CCDC178: variants seen among roughly 807,000 people sequenced by gnomAD.
CCDC178 encodes coiled-coil domain containing 178, also known as coiled-coil domain-containing protein 178.
A neutral mutation model predicts 117.4 loss-of-function variants in CCDC178; 126 were observed. The observed-to-expected ratio is 1.07, with a 90% CI of 0.93 to 1.24. The LOEUF is 1.24. Among genes scored for constraint, CCDC178 ranks in the 50% most tolerant of loss-of-function variants. The pLI is 0.00. For missense variants in CCDC178, 1,030 were observed against 986.9 expected (o/e 1.04, Z -0.59); for synonymous variants, 283 against 313.4 (o/e 0.90, Z 1.02).
intron 20 of CCDC178, among the ~76,000 whole-genome samples, chr18:33,125,162 T>A (rs2057988933): frequency 6.6e-6 from 1 of 152,158 alleles, no homozygotes; most frequent in Non-Finnish European, 1.5e-5. Flanking sequence ...CTTTGTAATC[T>A]TCAGACACAC....
At chr18:33,017,327 C>T (rs767921583) in intron 21 of CCDC178, among the ~76,000 whole-genome samples, 88 of 151,782 alleles carry the variant, frequency 5.8e-4, no homozygotes, top group Non-Finnish European at 1.1e-3. Flanking sequence ...TCCCCAAATA[C>T]CATCATTCCA....
intron 20 of CCDC178, among the ~76,000 whole-genome samples, chr18:33,105,125 TTATTGAAAAG>T (rs1341541772): frequency 2.0e-5 from 3 of 151,816 alleles, no homozygotes; most frequent in African/African-American, 7.2e-5. Context: ...GAGGCATTTG[TTATTGAAAAG>T]TAATTCTTAA....
intron 9 of CCDC178, among the ~76,000 whole-genome samples, chr18:33,336,898 A>G (rs1017813060): frequency 6.6e-6 from 1 of 151,922 alleles, no homozygotes; most frequent in African/African-American, 2.4e-5. Context: ...TTGGTTCCAC[A>G]TGAATTTTAG....
intron 9 of CCDC178, among the ~76,000 whole-genome samples, chr18:33,345,711 C>T (rs1355591513): frequency 6.6e-6 from 1 of 152,176 alleles, no homozygotes; most frequent in Non-Finnish European, 1.5e-5. Context: ...TACTGGATTT[C>T]TAACAGACCC....
chr18:32,972,796 T>G (rs1193057621), intron 22 of CCDC178, among the ~76,000 whole-genome samples: 3 of 152,126 alleles, frequency 2.0e-5, no homozygotes, highest in Non-Finnish European at 4.4e-5. Context: ...CTGAAGGTTG[T>G]AGACTTGATT....
chr18:32,952,025 C>A (rs1300745835), intron 22 of CCDC178, among the ~76,000 whole-genome samples: 1 of 149,822 alleles, frequency 6.7e-6, no homozygotes, highest in Non-Finnish European at 1.5e-5. Context: ...GCTCCCACAG[C>A]CTTGGGCAGC....
intron 6 of CCDC178, among the ~76,000 whole-genome samples, chr18:33,369,520 C>T (rs571934084): frequency 6.6e-6 from 1 of 152,016 alleles, no homozygotes; most frequent in East Asian, 1.9e-4. Flanking sequence ...TATTTTTTGT[C>T]ATTCTTAAAT....
intron 5 of CCDC178, among the ~76,000 whole-genome samples, chr18:33,388,801 T>C (rs1436639876): frequency 2.0e-5 from 3 of 152,016 alleles, no homozygotes; most frequent in Non-Finnish European, 2.9e-5. Flanking sequence ...CAGAATATTA[T>C]ACAGCCATAA....
intron 20 of CCDC178, among the ~76,000 whole-genome samples, chr18:33,175,738 G>C (rs1215927146): frequency 2.0e-5 from 3 of 152,124 alleles, no homozygotes; most frequent in Non-Finnish European, 4.4e-5. Flanking sequence ...CAGGACTTTA[G>C]AAAGAAGCTT....
At position 33,098,446 on chromosome 18, in the gene CCDC178, G is replaced by A. The variant is rs552536077; in HGVS notation, c.2239-5536C>T. 3.4e-4 allele frequency among the ~76,000 whole-genome samples: 52 copies of A among 152,138 alleles called. No individual in the cohort carries two copies. The South Asian group carries it at 0.011, about 31-fold the overall frequency. On this transcript the variant is annotated intron_variant, in intron 20 of 22. Coordinates refer to ENST00000383096, the MANE Select transcript of CCDC178 (RefSeq NM_001105528.4). ...TCTAACTCTACTCTCCTGTCCTGAT[G>A]TAACTGTCTGTTGCTGTCTTAGCTA...
chr18:33,147,141 CTTTTTTTTTT>C (rs963180337), intron 20 of CCDC178, among the ~76,000 whole-genome samples: 1 of 117,392 alleles, frequency 8.5e-6, no homozygotes, highest in East Asian at 2.6e-4. Flanking sequence ...TAGCTGATTT[CTTTTTTTTTT>C]TTTTTTTTTG....
intron 9 of CCDC178, among the ~76,000 whole-genome samples, chr18:33,333,652 A>G (rs796928803): frequency 1.2e-4 from 18 of 151,662 alleles, no homozygotes; most frequent in African/African-American, 4.3e-4. Flanking sequence ...AGTTGGGATT[A>G]CAGGCATGTG....
intron 5 of CCDC178, among the ~76,000 whole-genome samples, chr18:33,373,780 T>C (rs1159487240): frequency 1.3e-5 from 2 of 152,188 alleles, no homozygotes; most frequent in Non-Finnish European, 2.9e-5. Flanking sequence ...AAATCCTCTA[T>C]CATTTTTTAA....
At chr18:33,184,159 C>T (rs1598973115) in intron 20 of CCDC178, among the ~76,000 whole-genome samples, 1 of 152,048 alleles carries the variant, frequency 6.6e-6, no homozygotes, top group East Asian at 1.9e-4. Flanking sequence ...TTTGTTTTAG[C>T]CTGTCACAAA....
chr18:33,349,274 A>G (rs1375407996), intron 7 of CCDC178, among the ~76,000 whole-genome samples: 1 of 151,928 alleles, frequency 6.6e-6, no homozygotes, highest in African/African-American at 2.4e-5. Flanking sequence ...TGTAAGACAA[A>G]GGGTATTCTG....
At chr18:33,391,393 G>T (rs1295459888) in intron 4 of CCDC178, among the ~76,000 whole-genome samples, 1 of 152,034 alleles carries the variant, frequency 6.6e-6, no homozygotes, top group Admixed American at 6.6e-5. Context: ...TCATTCATCT[G>T]TGGCATATGA....
chr18:33,334,085 G>A (rs1435450985), intron 9 of CCDC178, among the ~76,000 whole-genome samples: 1 of 151,636 alleles, frequency 6.6e-6, no homozygotes, highest in African/African-American at 2.4e-5. Flanking sequence ...AAAGGCAAAA[G>A]TGATTATTAT....
At chr18:33,173,112 T>C (rs1598960618) in intron 20 of CCDC178, among the ~76,000 whole-genome samples, 1 of 152,298 alleles carries the variant, frequency 6.6e-6, no homozygotes, top group South Asian at 2.1e-4. Context: ...TGCAGTGGCA[T>C]GACCTTGGCT....
chr18:32,949,733 G>C (rs180672199), intron 22 of CCDC178, among the ~76,000 whole-genome samples: 1 of 152,054 alleles, frequency 6.6e-6, no homozygotes, highest in Non-Finnish European at 1.5e-5. Flanking sequence ...CTAATTGGTT[G>C]TACTTTTCTG....
Sources: allele counts gnomAD v4.1 joint callset (sites outside exome capture counted in the v4.1 genomes callset), GRCh38; gene constraint gnomAD v4.1.1; transcripts MANE v1.5; gene names NCBI Gene and HGNC (gene_info 2026-07-23, HGNC 2026-07-21).